MYLK: variants seen among roughly 807,000 people sequenced by gnomAD.
The protein encoded by MYLK is myosin light chain kinase, smooth muscle.
MYLK carries 106 observed loss-of-function variants against 203.4 expected under a neutral mutation model. The ratio of observed to expected loss-of-function variants is 0.52; its 90% CI spans 0.45 to 0.61. MYLK has a LOEUF of 0.61. Among genes scored for constraint, MYLK ranks in the 20% least tolerant of loss-of-function variants. The pLI is 0.00. For synonymous variants in MYLK, 867 were observed against 959.5 expected (o/e 0.90, Z 1.78); for missense variants, 2,072 against 2,442.3 (o/e 0.85, Z 3.20).
At chr3:123,797,814 C>G (rs1390206231) in intron 3 of MYLK, among the ~76,000 whole-genome samples, 1 of 152,206 alleles carries the variant, frequency 6.6e-6, no homozygotes, top group Non-Finnish European at 1.5e-5. Context: ...CATAATATAG[C>G]ATAAAAGGCA....
chr3:123,657,494 T>C (rs935536689), intron 23 of MYLK, 66 bp from the exon 24 acceptor site: 4 of 1,540,922 alleles, frequency 2.6e-6, no homozygotes, highest in African/African-American at 2.7e-5. Flanking sequence ...AGTTTTTGAA[T>C]TACCTGTGTC....
intron 4 of MYLK, among the ~76,000 whole-genome samples, chr3:123,775,192 T>A (rs2064027289): frequency 6.6e-6 from 1 of 152,116 alleles, no homozygotes; most frequent in South Asian, 2.1e-4. Flanking sequence ...CCAGCTAATT[T>A]TTTTTATTTC....
chr3:123,779,984 G>T (rs1045394407), intron 4 of MYLK, among the ~76,000 whole-genome samples: 1 of 152,130 alleles, frequency 6.6e-6, no homozygotes, highest in African/African-American at 2.4e-5. Flanking sequence ...TCTGTCATCT[G>T]TTTATTGCAT....
At position 123,861,157 on chromosome 3, in the gene MYLK, A is replaced by AAAC. The variant is rs1560298466; in HGVS notation, c.-127+15399_-127+15401dup. The stretch of plus-strand genomic sequence containing the variant: ...AAAAAAAACAAAAAACAAAAAAAAA[A>AAAC]AACTGATTGGACACTGTGTGATTGC... On this transcript the variant is annotated intron_variant, in intron 2 of 33. Coordinates refer to ENST00000360304, the MANE Select transcript of MYLK (RefSeq NM_053025.4). 1.3e-3 allele frequency among the ~76,000 whole-genome samples: 202 copies of AAAC among 151,646 alleles called. 2 individuals are homozygous for AAAC. The highest frequency in any genetic ancestry group is 4.5e-3 in the African/African-American group (183 of 41,030).
intron 16 of MYLK, among the ~76,000 whole-genome samples, chr3:123,707,239 GGAGT>G (rs1297976588): frequency 6.6e-6 from 1 of 152,224 alleles, no homozygotes; most frequent in African/African-American, 2.4e-5. Flanking sequence ...CACAGTCACG[GGAGT>G]GAGCCTTGGA....
chr3:123,720,802 C>T (rs1207922862), intron 13 of MYLK, among the ~76,000 whole-genome samples: 5 of 152,140 alleles, frequency 3.3e-5, no homozygotes, highest in Non-Finnish European at 7.4e-5. Flanking sequence ...ACAGAGCCAG[C>T]GTCAGTCACA....
chr3:123,786,002 A>T (rs894365297), intron 4 of MYLK, among the ~76,000 whole-genome samples: 10 of 152,194 alleles, frequency 6.6e-5, no homozygotes, highest in African/African-American at 1.2e-4. Context: ...TAAATTGATT[A>T]AAAAACTGAT....
At chr3:123,618,145 T>C (rs769867875) in intron 33 of MYLK, 1 of 190,626 alleles carries the variant, frequency 5.2e-6, no homozygotes, top group Non-Finnish European at 1.1e-5. Flanking sequence ...GTGACTTAGC[T>C]ATCATCTTAC....
intron 3 of MYLK, among the ~76,000 whole-genome samples, chr3:123,820,782 A>G (rs891639396): frequency 5.9e-5 from 9 of 151,672 alleles, no homozygotes; most frequent in Non-Finnish European, 7.4e-5. Context: ...GGAATGCAGT[A>G]GTGCAATCTC....
In MYLK at chr3:123,675,878, T is replaced by G. The variant is rs149889467; in HGVS notation, c.3652+6346A>C. ...CACTCCCCTACTGTATACGCTGGTCTCATCCAGTACATGCTTACAGATACG... is the reference window on the plus strand; with the variant it reads ...CACTCCCCTACTGTATACGCTGGTCGCATCCAGTACATGCTTACAGATACG... On this transcript the variant is annotated intron_variant, in intron 20 of 33. Coordinates refer to ENST00000360304, the MANE Select transcript of MYLK (RefSeq NM_053025.4). Among the ~76,000 whole-genome samples the G allele has an allele frequency of 5.9e-3, 896 of 152,312 alleles. 5 individuals are homozygous for G. Among genetic ancestry groups the G allele is most frequent in the Non-Finnish European group, 8.9e-3 (608 of 68,032 alleles).
intron 2 of MYLK, among the ~76,000 whole-genome samples, chr3:123,854,689 A>G (rs1201871289): frequency 1.3e-5 from 2 of 152,172 alleles, no homozygotes; most frequent in Non-Finnish European, 2.9e-5. Flanking sequence ...TAGAAGCCCA[A>G]ACCTTAGCAT....
At chr3:123,773,304 A>G (rs966474994) in intron 4 of MYLK, among the ~76,000 whole-genome samples, 1 of 152,220 alleles carries the variant, frequency 6.6e-6, no homozygotes, top group East Asian at 1.9e-4. Flanking sequence ...AAGGAAATCT[A>G]CTAATGTGTA....
chr3:123,847,066 A>T (rs959362649), intron 2 of MYLK, among the ~76,000 whole-genome samples: 1 of 152,154 alleles, frequency 6.6e-6, no homozygotes, highest in Non-Finnish European at 1.5e-5. Context: ...TATATTTTTT[A>T]AAAATCTAAT....
intron 11 of MYLK, among the ~76,000 whole-genome samples, chr3:123,731,059 A>G (rs909896989): frequency 1.3e-5 from 2 of 152,180 alleles, no homozygotes; most frequent in African/African-American, 4.8e-5. Context: ...AGGAGAATCT[A>G]GGCCCTCTGG....
chr3:123,725,780 C>T (rs1237877087), intron 12 of MYLK, among the ~76,000 whole-genome samples, 164 bp downstream of exon 12: 1 of 152,188 alleles, frequency 6.6e-6, no homozygotes, highest in Non-Finnish European at 1.5e-5. Flanking sequence ...CTCAGCCAGT[C>T]GGGAGCAGGA....
At chr3:123,687,958 C>A (rs752638043) in intron 19 of MYLK, among the ~76,000 whole-genome samples, 2 of 152,202 alleles carry the variant, frequency 1.3e-5, no homozygotes, top group Non-Finnish European at 2.9e-5. Context: ...AGCCACCACA[C>A]CTGGCCTGGC....
At chr3:123,628,404 C>CT (rs1255236621) in intron 30 of MYLK, among the ~76,000 whole-genome samples, 1 of 152,226 alleles carries the variant, frequency 6.6e-6, no homozygotes, top group East Asian at 1.9e-4. Context: ...CCTGCCCGCC[C>CT]TGGAGCCAGG....
At chr3:123,779,311 C>T (rs1223874419) in intron 4 of MYLK, among the ~76,000 whole-genome samples, 2 of 152,240 alleles carry the variant, frequency 1.3e-5, no homozygotes, top group African/African-American at 4.8e-5. Flanking sequence ...GCATGACAGG[C>T]TGTGGAAAGT....
intron 2 of MYLK, among the ~76,000 whole-genome samples, chr3:123,841,374 C>T (rs1293882733): frequency 6.6e-6 from 1 of 152,100 alleles, no homozygotes; most frequent in Non-Finnish European, 1.5e-5. Context: ...TTTTAAAAGT[C>T]ATATTGCCTA....
Sources: gnomAD v4.1 joint callset for allele counts (sites outside exome capture counted in the v4.1 genomes callset) on GRCh38, gnomAD v4.1.1 for gene constraint, MANE v1.5 for transcripts, NCBI Gene and HGNC (gene_info 2026-07-23, HGNC 2026-07-21) for gene names.